ROMO1: variants seen among roughly 807,000 people sequenced by gnomAD.
ROMO1 encodes the protein reactive oxygen species modulator 1.
ROMO1 carries 8 observed loss-of-function variants against 7.4 expected under a neutral mutation model. The ratio of observed to expected loss-of-function variants is 1.08; its 90% CI spans 0.63 to 1.95. The LOEUF (loss-of-function observed/expected upper bound fraction) is 1.95. Among genes scored for constraint, ROMO1 ranks in the 30% most tolerant of loss-of-function variants. The pLI, the probability that ROMO1 is intolerant of heterozygous loss-of-function variation, is 0.00. For synonymous variants in ROMO1, 43 were observed against 41.4 expected (o/e 1.04, Z -0.15); for missense variants, 91 against 115.9 (o/e 0.79, Z 0.99).
Position 35,699,416 on chromosome 20 carries a change from G to T in ROMO1, c.-41G>T. Reference sequence around the variant, plus strand: ...GCGCCCTCCCCGTCGTTTTCCGTGAGAGACGTAGAGCTGAGCGACCCAGCC... The same window carrying T: ...GCGCCCTCCCCGTCGTTTTCCGTGATAGACGTAGAGCTGAGCGACCCAGCC... On this transcript the variant is annotated 5_prime_UTR_variant, in exon 1 of 3. Transcript: ENST00000374077. The surrounding 1 kb of genome is among the most constrained non-coding windows in gnomAD (Gnocchi z 4.4). 8.3e-7 allele frequency: 1 copy of T among 1,204,088 alleles called. No individual in the cohort carries two copies. Among genetic ancestry groups the T allele is most frequent in the Non-Finnish European group, 1.1e-6 (1 of 899,246 alleles). The allele number at this position is 1,204,088 out of a possible 1,614,324, so 74.6% of individuals were successfully genotyped here. A position where few individuals can be genotyped will look rare whatever the true frequency, so the allele number is the denominator to read the frequency against.
At position 35,700,858 on chromosome 20, in the gene ROMO1, C is replaced by G. The variant is rs149152641; in HGVS notation, c.192C>G (p.Gly64=). The change falls in exon 3 of 3, where the codon GGC becomes GGG. Residue 64 remains glycine, a synonymous_variant. Coordinates refer to ENST00000374077, the MANE Select transcript of ROMO1 (RefSeq NM_080748.3). ...TTGGGAAAACCATGATGCAGAGTGG[C>G]GGCACCTTTGGCACATTCATGGCCA... is the stretch of plus-strand genomic sequence containing the variant. ...GGIGKTMMQS[G]GTFGTFMAIG... 1 of 1,614,034 alleles carries G rather than the reference C, an allele frequency of 6.2e-7. No homozygotes were observed. The highest frequency in any genetic ancestry group is 8.5e-7 in the Non-Finnish European group (1 of 1,180,018).
In ROMO1 at chr20:35,699,836, C is replaced by T; in HGVS notation, c.131+73C>T. ...GGCCCTGCCCCATTCGGCCTGGAGC[C>T]TGAACACAGCCTCCTTCTTTCGACT... On this transcript the variant is annotated intron_variant, in intron 2 of 2. Coordinates refer to ENST00000374077, the MANE Select transcript of ROMO1 (RefSeq NM_080748.3). The surrounding 1 kb of genome is among the most constrained non-coding windows in gnomAD (Gnocchi z 4.4). 1 of 1,513,976 alleles carries T rather than the reference C, an allele frequency of 6.6e-7. No homozygotes were observed. Among genetic ancestry groups the T allele is most frequent in the Non-Finnish European group, 8.8e-7 (1 of 1,131,966 alleles). 93.8% of individuals were successfully genotyped at this position (1,513,976 alleles called of 1,614,324 possible).
At chr20:35,700,369 AAAT>A (rs2035238036) in intron 2 of ROMO1, among the ~76,000 whole-genome samples, 1 of 152,202 alleles carries the variant, frequency 6.6e-6, no homozygotes, top group Non-Finnish European at 1.5e-5. Context: ...AAAATCCTGT[AAAT>A]AATGTTGAGA....
Position 35,699,844 on chromosome 20 carries a change from A to G in ROMO1, c.131+81A>G, listed in dbSNP as rs568986095. On this transcript the variant is annotated intron_variant, in intron 2 of 2. Coordinates refer to ENST00000374077, the MANE Select transcript of ROMO1 (RefSeq NM_080748.3). This position sits in a 1 kb window ranked among gnomAD's most constrained non-coding sequence, Gnocchi z 4.4. ...CCCATTCGGCCTGGAGCCTGAACAC[A>G]GCCTCCTTCTTTCGACTTCCCTCTC... is the stretch of plus-strand genomic sequence containing the variant. 1 of 1,492,784 alleles carries G rather than the reference A, an allele frequency of 6.7e-7. No homozygotes were observed. Among genetic ancestry groups the G allele is most frequent in the African/African-American group, 1.4e-5 (1 of 71,008 alleles). 92.5% of individuals were successfully genotyped at this position (1,492,784 alleles called of 1,614,324 possible). A position where few individuals can be genotyped will look rare whatever the true frequency, so the allele number is the denominator to read the frequency against.
Position 35,699,737 on chromosome 20 carries a change from G to A in ROMO1, c.105G>A (p.Ala35=), listed in dbSNP as rs771182310. Reference sequence around the variant, plus strand: ...GCGCCGTGGGCATGGCGGCCGGGGCGCTCTTCGGCACCTTTTCCTGTCTCA... The same window carrying A: ...GCGCCGTGGGCATGGCGGCCGGGGCACTCTTCGGCACCTTTTCCTGTCTCA... ...MGCAVGMAAG[A]LFGTFSCLRI... Residue 35 remains alanine, a synonymous_variant, in exon 2 of 3, where the codon GCG becomes GCA. Transcript: ENST00000374077. This position sits in a 1 kb window ranked among gnomAD's most constrained non-coding sequence, Gnocchi z 4.4. The A allele has an allele frequency of 3.1e-5, 50 of 1,611,736 alleles. No individual in the cohort carries two copies. The East Asian group carries it at 1.0e-3, about 32-fold the overall frequency.
Position 35,699,436 on chromosome 20 carries a change from C to T in ROMO1, c.-21C>T. On this transcript the variant is annotated 5_prime_UTR_variant, in exon 1 of 3. Transcript: ENST00000374077. The surrounding 1 kb of genome is among the most constrained non-coding windows in gnomAD (Gnocchi z 4.4). Reference sequence around the variant, plus strand: ...CGTGAGAGACGTAGAGCTGAGCGACCCAGCCCGCGAGCGAGGTGAGGTAGG... The same window carrying T: ...CGTGAGAGACGTAGAGCTGAGCGACTCAGCCCGCGAGCGAGGTGAGGTAGG... 1 of 1,184,754 alleles carries T rather than the reference C, an allele frequency of 8.4e-7. No homozygotes were observed. The highest frequency in any genetic ancestry group is 1.1e-6 in the Non-Finnish European group (1 of 870,044). The allele number at this position is 1,184,754 out of a possible 1,614,324, so 73.4% of individuals were successfully genotyped here.
At position 35,699,621 on chromosome 20, in the gene ROMO1, T is replaced by C; in HGVS notation, c.1-12T>C. ...GCCAGCGCCTGGGCCCACACTTTCC[T>C]ATCCCCCGCAGATGCCGGTGGCCGT... On this transcript the variant is annotated splice_polypyrimidine_tract_variant and intron_variant, in intron 1 of 2. Coordinates refer to ENST00000374077, the MANE Select transcript of ROMO1 (RefSeq NM_080748.3). The surrounding 1 kb of genome is among the most constrained non-coding windows in gnomAD (Gnocchi z 4.4). 1.2e-6 allele frequency: 2 copies of C among 1,612,086 alleles called. No homozygotes were observed. Among genetic ancestry groups the C allele is most frequent in the Non-Finnish European group, 8.5e-7 (1 of 1,179,934 alleles).
chr20:35,700,755 A>AT (rs1196153594), intron 2 of ROMO1, 43 bp from the exon 3 acceptor site: 29 of 1,541,050 alleles, frequency 1.9e-5, no homozygotes, highest in Non-Finnish European at 2.6e-5. Flanking sequence ...ACTCTTTCTG[A>AT]TATTTTTGTT....
In ROMO1 at chr20:35,699,412, G is replaced by C. The variant is rs2035207858; in HGVS notation, c.-45G>C. 8.2e-7 allele frequency: 1 copy of C among 1,214,888 alleles called. No homozygotes were observed. The highest frequency in any genetic ancestry group is 1.6e-5 in the African/African-American group (1 of 63,342). The allele number at this position is 1,214,888 out of a possible 1,614,324, so 75.3% of individuals were successfully genotyped here. On this transcript the variant is annotated 5_prime_UTR_variant, in exon 1 of 3. Coordinates refer to ENST00000374077, the MANE Select transcript of ROMO1 (RefSeq NM_080748.3). This position sits in a 1 kb window ranked among gnomAD's most constrained non-coding sequence, Gnocchi z 4.4. ...GCGAGCGCCCTCCCCGTCGTTTTCCGTGAGAGACGTAGAGCTGAGCGACCC... is the reference window on the plus strand; with the variant it reads ...GCGAGCGCCCTCCCCGTCGTTTTCCCTGAGAGACGTAGAGCTGAGCGACCC...
chr20:35,699,662 G>T lies in ROMO1; in HGVS notation c.30G>T (p.Gln10His). The change falls in exon 2 of 3, where the codon CAG (glutamine) becomes CAT (histidine). Residue 10 changes from glutamine (Q) to histidine (H), a missense_variant. Gln to His is a conservative substitution (Grantham distance 24, BLOSUM62 0). Coordinates refer to ENST00000374077, the MANE Select transcript of ROMO1 (RefSeq NM_080748.3). This position sits in a 1 kb window ranked among gnomAD's most constrained non-coding sequence, Gnocchi z 4.4. MPVAVGPYG[Q>H]SQPSCFDRVK... ...CGGTGGCCGTGGGTCCCTACGGACA[G>T]TCCCAGCCAAGCTGCTTCGACCGTG... The T allele has an allele frequency of 1.2e-6, 2 of 1,613,678 alleles. No individual in the cohort carries two copies. Among genetic ancestry groups the T allele is most frequent in the Non-Finnish European group, 1.7e-6 (2 of 1,179,996 alleles).
chr20:35,699,640 T>G lies in ROMO1; in HGVS notation c.8T>G (p.Val3Gly), dbSNP rs764867344. The change falls in exon 2 of 3, where the codon GTG becomes GGG. Residue 3 changes from valine (V) to glycine (G), a missense_variant. Coordinates refer to ENST00000374077, the MANE Select transcript of ROMO1 (RefSeq NM_080748.3). This position sits in a 1 kb window ranked among gnomAD's most constrained non-coding sequence, Gnocchi z 4.4. Reference protein sequence around the residue: MPVAVGPYGQSQP... With the variant: MPGAVGPYGQSQP... The stretch of plus-strand genomic sequence containing the variant: ...CTTTCCTATCCCCCGCAGATGCCGG[T>G]GGCCGTGGGTCCCTACGGACAGTCC... 6.2e-7 allele frequency: 1 copy of G among 1,613,214 alleles called. No individual in the cohort carries two copies. Among genetic ancestry groups the G allele is most frequent in the Non-Finnish European group, 8.5e-7 (1 of 1,179,986 alleles).
In ROMO1 at chr20:35,700,818, A is replaced by C. The variant is rs1183642889; in HGVS notation, c.152A>C (p.Glu51Ala). 1 of 1,614,012 alleles carries C rather than the reference A, an allele frequency of 6.2e-7. No individual in the cohort carries two copies. The highest frequency in any genetic ancestry group is 8.5e-7 in the Non-Finnish European group (1 of 1,180,016). The change falls in exon 3 of 3, where the codon GAG (glutamate) becomes GCG (alanine). Residue 51 changes from glutamate (E) to alanine (A), a missense_variant. Glu to Ala is a moderately radical substitution (Grantham distance 107). Coordinates refer to ENST00000374077, the MANE Select transcript of ROMO1 (RefSeq NM_080748.3). ...CTCAGGATCGGAATGCGGGGTCGAG[A>C]GCTGATGGGCGGCATTGGGAAAACC... ...SCLRIGMRGR[E>A]LMGGIGKTMM...
Position 35,699,818 on chromosome 20 carries a change from C to T in ROMO1, c.131+55C>T. 6.4e-7 allele frequency: 1 copy of T among 1,557,574 alleles called. No individual in the cohort carries two copies. The highest frequency in any genetic ancestry group is 8.7e-7 in the Non-Finnish European group (1 of 1,155,276). The stretch of plus-strand genomic sequence containing the variant: ...AGGACAACCAGACCTTCCGGCCCTG[C>T]CCCATTCGGCCTGGAGCCTGAACAC... On this transcript the variant is annotated intron_variant, in intron 2 of 2. Transcript: ENST00000374077. The surrounding 1 kb of genome is among the most constrained non-coding windows in gnomAD (Gnocchi z 4.4).
At chr20:35,700,403 CTA>C (rs967498381) in intron 2 of ROMO1, among the ~76,000 whole-genome samples, 4 of 152,176 alleles carry the variant, frequency 2.6e-5, no homozygotes, top group Admixed American at 6.5e-5. Flanking sequence ...ACACTTGACA[CTA>C]TGTGTAAATT....
rs1412382339 is a variant in ROMO1 at position 35,699,950 on chromosome 20, G to C, written c.131+187G>C. Reference sequence around the variant, plus strand: ...TGGAAGCGTCAGTGCTTAAGAATTTGAGCTTTAGAGTCAAAATGCTTTCTG... The same window carrying C: ...TGGAAGCGTCAGTGCTTAAGAATTTCAGCTTTAGAGTCAAAATGCTTTCTG... On this transcript the variant is annotated intron_variant, in intron 2 of 2. Coordinates refer to ENST00000374077, the MANE Select transcript of ROMO1 (RefSeq NM_080748.3). This position sits in a 1 kb window ranked among gnomAD's most constrained non-coding sequence, Gnocchi z 4.4. 6.6e-6 allele frequency among the ~76,000 whole-genome samples: 1 copy of C among 152,180 alleles called. No homozygotes were observed.
intron 2 of ROMO1, among the ~76,000 whole-genome samples, chr20:35,700,416 G>C (rs2035239616): frequency 6.6e-6 from 1 of 152,122 alleles, no homozygotes; most frequent in Non-Finnish European, 1.5e-5. Context: ...TGTGTAAATT[G>C]TAGAGCTGAC....
chr20:35,699,426 G>C lies in ROMO1; in HGVS notation c.-31G>C. ...CGTCGTTTTCCGTGAGAGACGTAGA[G>C]CTGAGCGACCCAGCCCGCGAGCGAG... On this transcript the variant is annotated 5_prime_UTR_variant, in exon 1 of 3. Coordinates refer to ENST00000374077, the MANE Select transcript of ROMO1 (RefSeq NM_080748.3). The surrounding 1 kb of genome is among the most constrained non-coding windows in gnomAD (Gnocchi z 4.4). The C allele has an allele frequency of 8.4e-7, 1 of 1,190,136 alleles. No homozygotes were observed. The highest frequency in any genetic ancestry group is 1.6e-5 in the South Asian group (1 of 64,142). The allele number at this position is 1,190,136 out of a possible 1,614,324, so 73.7% of individuals were successfully genotyped here.
rs775487296 is a variant in ROMO1 at position 35,700,811 on chromosome 20, G to A, written c.145G>A (p.Gly49Ser). Residue 49 changes from glycine (G) to serine (S), a missense_variant, in exon 3 of 3, where the codon GGT becomes AGT. Coordinates refer to ENST00000374077, the MANE Select transcript of ROMO1 (RefSeq NM_080748.3). The stretch of plus-strand genomic sequence containing the variant: ...TTTCCTCCTCAGGATCGGAATGCGG[G>A]GTCGAGAGCTGATGGGCGGCATTGG... ...TFSCLRIGMR[G>S]RELMGGIGKT... 19 of 1,614,028 alleles carry A rather than the reference G, an allele frequency of 1.2e-5. No individual in the cohort carries two copies. The highest frequency in any genetic ancestry group is 5.0e-5 in the Admixed American group (3 of 59,994).
At chr20:35,700,338 G>A (rs2035237325) in intron 2 of ROMO1, among the ~76,000 whole-genome samples, 1 of 152,108 alleles carries the variant, frequency 6.6e-6, no homozygotes, top group South Asian at 2.1e-4. Flanking sequence ...GTTAAGCACT[G>A]TGCTAAATAC....
Sources: gnomAD v4.1 joint callset for allele counts (sites outside exome capture counted in the v4.1 genomes callset) on GRCh38, gnomAD v4.1.1 for gene constraint, Gnocchi (gnomAD v3.1) non-coding constraint, MANE v1.5 for transcripts, NCBI Gene and HGNC (gene_info 2026-07-23, HGNC 2026-07-21) for gene names.